Variants in GALK2 observed in about 807,000 individuals in gnomAD.
GALK2 encodes the protein N-acetylgalactosamine kinase.
In GALK2, 36 loss-of-function variants were observed where a neutral mutation model predicts 52.4. That is an observed-to-expected ratio of 0.69 (90% confidence interval 0.53 to 0.91). The LOEUF (loss-of-function observed/expected upper bound fraction) is 0.91. Ranked by LOEUF, GALK2 falls within the 40% of genes least tolerant of loss-of-function variation. GALK2 has a pLI of 0.00. For missense variants in GALK2, 579 were observed against 559.1 expected (o/e 1.04, Z -0.36); for synonymous variants, 176 against 199.1 (o/e 0.88, Z 0.98).
At chr15:49,228,549 T>C (rs954790111) in intron 3 of GALK2, among the ~76,000 whole-genome samples, 1 of 149,224 alleles carries the variant, frequency 6.7e-6, no homozygotes, top group African/African-American at 2.5e-5. Flanking sequence ...CAGTGAATTG[T>C]TCTGTTCCAA....
At chr15:49,214,376 G>A (rs2089200907) in intron 2 of GALK2, among the ~76,000 whole-genome samples, 1 of 139,484 alleles carries the variant, frequency 7.2e-6, no homozygotes, top group South Asian at 2.3e-4. Context: ...CTGTCACCCA[G>A]GCTGGATACA....
At position 49,252,977 on chromosome 15, in the gene GALK2, A is replaced by G. The variant is rs1186130675; in HGVS notation, c.504+13610A>G. ...CATTTTTTGATTTGGCTGTATATCA[A>G]CTCAGCTCATTTTCTCCTGGAGTAT... On this transcript the variant is annotated intron_variant, in intron 5 of 9. Coordinates refer to ENST00000560031, the MANE Select transcript of GALK2 (RefSeq NM_002044.4). 2.1e-5 allele frequency among the ~76,000 whole-genome samples: 3 copies of G among 143,408 alleles called. 1 individual carries two copies. The highest frequency in any genetic ancestry group is 5.0e-5 in the African/African-American group (2 of 40,046). 94.1% of individuals were successfully genotyped at this position (143,408 alleles called of 152,430 possible). A position where few individuals can be genotyped will look rare whatever the true frequency, so the allele number is the denominator to read the frequency against.
At chr15:49,334,963 T>C (rs1475445975), downstream of GALK2, among the ~76,000 whole-genome samples, 1 of 152,230 alleles carries the variant, frequency 6.6e-6, no homozygotes, top group African/African-American at 2.4e-5. Context: ...TATAAATTAT[T>C]ATGAATAACT....
intron 5 of GALK2, among the ~76,000 whole-genome samples, chr15:49,262,191 C>G (rs1272211710): frequency 6.6e-6 from 1 of 152,054 alleles, no homozygotes; most frequent in Non-Finnish European, 1.5e-5. Context: ...GTGAATCCAT[C>G]TGGTCCTGGA....
At chr15:49,265,468 G>C (rs542290308) in intron 5 of GALK2, among the ~76,000 whole-genome samples, 1 of 152,362 alleles carries the variant, frequency 6.6e-6, no homozygotes, top group African/African-American at 2.4e-5. Context: ...TCCAGGTGCT[G>C]TCTGTCACCC....
intron 5 of GALK2, among the ~76,000 whole-genome samples, chr15:49,258,665 T>G (rs1321909374): frequency 6.6e-6 from 1 of 151,366 alleles, no homozygotes; most frequent in Non-Finnish European, 1.5e-5. Flanking sequence ...CCCAGAGGAG[T>G]TGCTCCTTGA....
rs182090376 is a variant in GALK2, at chr15:49,304,427, A to G, written c.967+11890A>G. ...GCAAAAGAGTTTGTTCATCTAAGAC[A>G]CTTATGGAGCTGGGCTCAGAGGGCT... On this transcript the variant is annotated intron_variant, in intron 8 of 9. Transcript: ENST00000560031. Among the ~76,000 whole-genome samples the G allele has an allele frequency of 1.2e-4, 19 of 152,336 alleles. No individual in the cohort carries two copies. In the East Asian group the frequency reaches 3.1e-3, roughly 25 times the overall value.
At chr15:49,358,573 C>A (rs1266148451) in intron 3 of GALK2, among the ~76,000 whole-genome samples, 1 of 148,514 alleles carries the variant, frequency 6.7e-6, no homozygotes. Flanking sequence ...AACCACTGCT[C>A]AAGGAAATAA....
Position 49,319,589 on chromosome 15 carries a change from C to A in GALK2, c.968-15C>A. ...ACTATTCCTAACCTCCTTCCCCATC[C>A]TCTTCCTTCCTCAGTGCTCATCTTC... On this transcript the variant is annotated splice_polypyrimidine_tract_variant and intron_variant, in intron 8 of 9. Coordinates refer to ENST00000560031, the MANE Select transcript of GALK2 (RefSeq NM_002044.4). 1 of 1,612,928 alleles carries A rather than the reference C, an allele frequency of 6.2e-7. No individual in the cohort carries two copies. The highest frequency in any genetic ancestry group is 8.5e-7 in the Non-Finnish European group (1 of 1,179,038).
At chr15:49,326,622 GGATCCCA>G (rs2037550602) in intron 9 of GALK2, among the ~76,000 whole-genome samples, 1 of 152,070 alleles carries the variant, frequency 6.6e-6, no homozygotes. Flanking sequence ...AATAATCCAA[GGATCCCA>G]AGGTCAGAGA....
intron 5 of GALK2, among the ~76,000 whole-genome samples, chr15:49,260,882 T>G (rs2092072226): frequency 6.6e-6 from 1 of 152,180 alleles, no homozygotes; most frequent in African/African-American, 2.4e-5. Context: ...GTTGTAGATA[T>G]GTGGTGTTAT....
chr15:49,178,555 A>G (rs779102522), intron 1 of GALK2: 15 of 254,968 alleles, frequency 5.9e-5, no homozygotes, highest in South Asian at 1.1e-4. Flanking sequence ...CACGAATCCT[A>G]TATATAACGT....
intron 6 of GALK2, 82 bp from the exon 7 acceptor site, chr15:49,283,484 A>G (rs1211281863): frequency 2.4e-6 from 3 of 1,250,630 alleles, no homozygotes; most frequent in African/African-American, 3.0e-5. Flanking sequence ...TTGACAAAAC[A>G]CTTTAAGATA....
chr15:49,170,618 C>A, intron 1 of GALK2: 1 of 507,132 alleles, frequency 2.0e-6, no homozygotes, highest in Non-Finnish European at 3.5e-6. Flanking sequence ...TTCTTCTTTT[C>A]CTTTTCTTGT....
chr15:49,275,836 C>G (rs551948596), intron 5 of GALK2, among the ~76,000 whole-genome samples: 1 of 152,188 alleles, frequency 6.6e-6, no homozygotes, highest in East Asian at 1.9e-4. Flanking sequence ...AAATTGAACC[C>G]TGTTATTTCA....
At chr15:49,306,360 A>C (rs2035544348) in intron 8 of GALK2, among the ~76,000 whole-genome samples, 1 of 152,168 alleles carries the variant, frequency 6.6e-6, no homozygotes, top group African/African-American at 2.4e-5. Context: ...TTATCAACAA[A>C]TGTTTGAGAA....
chr15:49,338,142 T>C (rs1252844022), intron 3 of GALK2, among the ~76,000 whole-genome samples: 2 of 152,240 alleles, frequency 1.3e-5, no homozygotes, highest in Non-Finnish European at 2.9e-5. Context: ...TTAAGGTTAA[T>C]ATTGTTATGT....
At chr15:49,228,979 A>T (rs2090351586) in intron 3 of GALK2, among the ~76,000 whole-genome samples, 1 of 151,768 alleles carries the variant, frequency 6.6e-6, no homozygotes, top group Non-Finnish European at 1.5e-5. Context: ...ACAGGTGTGA[A>T]CCACCACACC....
At chr15:49,355,134 TG>T (rs993191452) in intron 3 of GALK2, among the ~76,000 whole-genome samples, 1 of 150,612 alleles carries the variant, frequency 6.6e-6, no homozygotes, top group East Asian at 2.0e-4. Flanking sequence ...ACCACAAAGA[TG>T]GGGAAAAAAC....
Sources: gnomAD v4.1 joint callset for allele counts (sites outside exome capture counted in the v4.1 genomes callset) on GRCh38, gnomAD v4.1.1 for gene constraint, MANE v1.5 for transcripts, NCBI Gene and HGNC (gene_info 2026-07-23, HGNC 2026-07-21) for gene names.